The following FREM1 variants were observed in gnomAD, a reference collection of about 807,000 sequenced individuals.
FREM1 encodes the protein FRAS1-related extracellular matrix protein 1.
Under a neutral mutation model 210.1 loss-of-function variants are expected in FREM1, and 220 were observed. The ratio of observed to expected loss-of-function variants is 1.05; its 90% CI spans 0.94 to 1.17. FREM1 has a LOEUF of 1.17. Among genes scored for constraint, FREM1 ranks in the 50% most tolerant of loss-of-function variants. The probability of loss-of-function intolerance (pLI) is 0.00; values close to 1 mark genes in which losing one functional copy is unlikely to be tolerated. For missense variants in FREM1, 3,454 were observed against 2,675.5 expected, an observed-to-expected ratio of 1.29 and a Z score of -6.42; for synonymous variants, 1,189 against 980.2, an observed-to-expected ratio of 1.21 and a Z score of -3.98.
At chr9:14,823,513 A>T (rs575768697) in intron 12 of FREM1, among the ~76,000 whole-genome samples, 186 bp from the exon 13 acceptor site, 13 of 152,324 alleles carry the variant, frequency 8.5e-5, no homozygotes, top group Admixed American at 8.5e-4. Context: ...TTTGCATCAA[A>T]CTAATAGAAG....
At chr9:14,788,603 C>G (rs1367224576) in intron 23 of FREM1, among the ~76,000 whole-genome samples, 2 of 152,198 alleles carry the variant, frequency 1.3e-5, no homozygotes, top group Non-Finnish European at 2.9e-5. Flanking sequence ...TACACATCAA[C>G]TTGGTAAAAT....
chr9:14,740,035 A>G, intron 36 of FREM1, 114 bp downstream of exon 36: 1 of 575,008 alleles, frequency 1.7e-6, no homozygotes, highest in Admixed American at 2.9e-5. Flanking sequence ...TTGGTTGCCT[A>G]TTATTGTAAA....
At chr9:14,882,356 T>C (rs1388651495) in intron 1 of FREM1, among the ~76,000 whole-genome samples, 2 of 152,164 alleles carry the variant, frequency 1.3e-5, no homozygotes, top group Non-Finnish European at 2.9e-5. Context: ...AGAGAGGAGA[T>C]ATCTATTCTT....
At chr9:14,856,689 C>A (rs948403152) in intron 5 of FREM1, among the ~76,000 whole-genome samples, 1 of 151,826 alleles carries the variant, frequency 6.6e-6, no homozygotes, top group African/African-American at 2.4e-5. Flanking sequence ...AAAAATTGGC[C>A]GGGCGTGGTG....
chr9:14,808,260 A>G, intron 16 of FREM1, 126 bp from the exon 17 acceptor site: 1 of 577,360 alleles, frequency 1.7e-6, no homozygotes, highest in Non-Finnish European at 2.9e-6. Flanking sequence ...GATAAAATAA[A>G]TGTAAAACCC....
At chr9:14,884,216 G>A (rs987111525) in intron 1 of FREM1, among the ~76,000 whole-genome samples, 6 of 151,956 alleles carry the variant, frequency 3.9e-5, no homozygotes, top group Admixed American at 1.3e-4. Flanking sequence ...GCGACAGAGC[G>A]AGACTCCATC....
chr9:14,899,768 A>G (rs764971795), intron 1 of FREM1, among the ~76,000 whole-genome samples: 7 of 152,250 alleles, frequency 4.6e-5, no homozygotes, highest in Non-Finnish European at 7.3e-5. Flanking sequence ...CGCAATATCC[A>G]GATAGGCTGA....
intron 20 of FREM1, 137 bp from the exon 21 acceptor site, chr9:14,797,779 C>T: frequency 1.7e-6 from 1 of 589,642 alleles, no homozygotes; most frequent in Non-Finnish European, 2.8e-6. Flanking sequence ...TGAAATTAAA[C>T]TTGTTTTATG....
intron 1 of FREM1, among the ~76,000 whole-genome samples, chr9:14,891,733 A>T (rs1343274808): frequency 2.0e-5 from 3 of 152,222 alleles, no homozygotes; most frequent in Admixed American, 6.5e-5. Flanking sequence ...AAAGGTGCAT[A>T]GGAAAAGTAA....
intron 1 of FREM1, among the ~76,000 whole-genome samples, chr9:14,877,463 T>C (rs537292604): frequency 8.1e-5 from 12 of 147,980 alleles, no homozygotes; most frequent in Non-Finnish European, 1.5e-4. Context: ...AGACAGATCT[T>C]AGGTGACCCC....
intron 16 of FREM1, among the ~76,000 whole-genome samples, 154 bp downstream of exon 16, chr9:14,812,658 T>C (rs1819609173): frequency 6.6e-6 from 1 of 152,126 alleles, no homozygotes; most frequent in Non-Finnish European, 1.5e-5. Flanking sequence ...CCATATATGG[T>C]GATCATGCTG....
At chr9:14,819,955 A>G (rs1331665714) in intron 13 of FREM1, among the ~76,000 whole-genome samples, 1 of 152,248 alleles carries the variant, frequency 6.6e-6, no homozygotes, top group East Asian at 1.9e-4. Context: ...TTAGAAATGG[A>G]AGTAGTGTGG....
Position 14,845,985 on chromosome 9 carries a change from C to T in FREM1, c.1368G>A (p.Leu456=). 2 of 1,613,590 alleles carry T rather than the reference C, an allele frequency of 1.2e-6. No homozygotes were observed. The highest frequency in any genetic ancestry group is 1.3e-5 in the African/African-American group (1 of 75,050). ...GAVRLVTVGG[L]QHGWLTLRGG... is the part of the protein sequence containing the mutation. ...CTCTTAAAGTCAGCCATCCATGCTG[C>T]AGGCCACCAACGGTGACTAGCCGGA... Residue 456 remains leucine, a synonymous_variant, in exon 8 of 37, where the codon CTG becomes CTA. Coordinates refer to ENST00000380880, the MANE Select transcript of FREM1 (RefSeq NM_001379081.2).
At position 14,856,301 on chromosome 9, in the gene FREM1, C is replaced by G. The variant is rs1037492672; in HGVS notation, c.828+1252G>C. 4.6e-5 allele frequency among the ~76,000 whole-genome samples: 7 copies of G among 152,196 alleles called. No individual in the cohort carries two copies. The South Asian group carries it at 1.4e-3, about 31-fold the overall frequency. ...CTGGGCCCAGCGTCCATGCTCTTAA[C>G]TATTATTTGGACTCAGAAATTTATC... On this transcript the variant is annotated intron_variant, in intron 5 of 36. Coordinates refer to ENST00000380880, the MANE Select transcript of FREM1 (RefSeq NM_001379081.2).
intron 20 of FREM1, among the ~76,000 whole-genome samples, chr9:14,801,276 G>T (rs1051899015): frequency 2.6e-5 from 4 of 152,184 alleles, no homozygotes; most frequent in African/African-American, 9.7e-5. Context: ...GGGATTACAG[G>T]CGTGAGCCAC....
chr9:14,752,922 T>A (rs1383633771), intron 29 of FREM1, among the ~76,000 whole-genome samples: 1 of 152,060 alleles, frequency 6.6e-6, no homozygotes, highest in African/African-American at 2.4e-5. Context: ...TAGAACCAGA[T>A]GGTTAGGGGT....
rs1461972052 is a variant in FREM1 at position 14,857,571 on chromosome 9, C to T, written c.810G>A (p.Arg270=). Residue 270 remains arginine, a synonymous_variant, in exon 5 of 37, where the codon AGG becomes AGA. Coordinates refer to ENST00000380880, the MANE Select transcript of FREM1 (RefSeq NM_001379081.2). ...ISIQLDLTDT[R]SKIVYKSESA... ...ACTCTACCTTGTACACAATTTTGCT[C>T]CTGGTATCTGTGAGGTCCAGTTGGA... The T allele has an allele frequency of 1.2e-6, 2 of 1,613,498 alleles. No homozygotes were observed. The highest frequency in any genetic ancestry group is 1.7e-6 in the Non-Finnish European group (2 of 1,179,788).
At chr9:14,890,064 C>G (rs998891296) in intron 1 of FREM1, among the ~76,000 whole-genome samples, 25 of 152,178 alleles carry the variant, frequency 1.6e-4, no homozygotes, top group African/African-American at 5.5e-4. Context: ...CTCTGGGTAT[C>G]AGGAGGGCAC....
Position 14,787,261 on chromosome 9 carries a change from TAAAACAAAAC to T in FREM1, c.4177+1648_4177+1657del, listed in dbSNP as rs145291967. Among the ~76,000 whole-genome samples, 1,006 of 151,676 alleles carry T rather than the reference TAAAACAAAAC, an allele frequency of 6.6e-3. 7 individuals are homozygous for T. Among genetic ancestry groups the T allele is most frequent in the African/African-American group, 0.021 (857 of 41,366 alleles). On this transcript the variant is annotated intron_variant, in intron 23 of 36. Coordinates refer to ENST00000380880, the MANE Select transcript of FREM1 (RefSeq NM_001379081.2). The stretch of plus-strand genomic sequence containing the variant: ...GCAACCTGAAAAAACTCATGTTAAG[TAAAACAAAAC>T]AAAACAAAACAAAACAAAAAACTGT...
Sources: allele counts gnomAD v4.1 joint callset (sites outside exome capture counted in the v4.1 genomes callset), GRCh38; gene constraint gnomAD v4.1.1; transcripts MANE v1.5; gene names NCBI Gene and HGNC (gene_info 2026-07-23, HGNC 2026-07-21).